The following SEC22A variants were observed in gnomAD, a reference collection of about 807,000 sequenced individuals.
SEC22A encodes the protein SEC22 homolog A, vesicle trafficking protein, also known as vesicle-trafficking protein SEC22a.
Under a neutral mutation model 35.3 loss-of-function variants are expected in SEC22A, and 22 were observed. That is an observed-to-expected ratio of 0.62 (90% confidence interval 0.45 to 0.89). The LOEUF (loss-of-function observed/expected upper bound fraction) is 0.89, where lower values mean the gene tolerates loss of function less well. Ranked by LOEUF, SEC22A falls within the 40% of genes least tolerant of loss-of-function variation. SEC22A has a pLI of 0.00. For missense variants in SEC22A, 354 were observed against 362.5 expected, an observed-to-expected ratio of 0.98 and a Z score of 0.19; for synonymous variants, 119 against 129.5, an observed-to-expected ratio of 0.92 and a Z score of 0.55.
intron 5 of SEC22A, among the ~76,000 whole-genome samples, chr3:123,246,588 A>G (rs1328369352): frequency 6.6e-6 from 1 of 152,208 alleles, no homozygotes; most frequent in Non-Finnish European, 1.5e-5. Flanking sequence ...ATTGCTAACT[A>G]TTACATTTTC....
At chr3:123,254,327 C>T (rs995524769) in intron 5 of SEC22A, among the ~76,000 whole-genome samples, 1 of 152,114 alleles carries the variant, frequency 6.6e-6, no homozygotes, top group Non-Finnish European at 1.5e-5. Flanking sequence ...GACCCATCCT[C>T]ATCTTTAAAA....
At position 123,265,317 on chromosome 3, in the gene SEC22A, G is replaced by A. The variant is rs79469971; in HGVS notation, c.723+5728G>A. On this transcript the variant is annotated intron_variant, in intron 6 of 6. Coordinates refer to ENST00000492595, the MANE Select transcript of SEC22A (RefSeq NM_012430.5). ...AAACCAATCCCCTATGGATCCTGAG[G>A]GACAACTGTATATTCTAGATACTAA... 6.8e-3 allele frequency among the ~76,000 whole-genome samples: 1,029 copies of A among 151,902 alleles called. 12 individuals are homozygous for A. The highest frequency in any genetic ancestry group is 0.023 in the African/African-American group (956 of 41,442).
intron 2 of SEC22A, among the ~76,000 whole-genome samples, chr3:123,218,623 T>C (rs1040920085): frequency 6.6e-6 from 1 of 152,166 alleles, no homozygotes; most frequent in East Asian, 1.9e-4. Context: ...GAAGATTCAC[T>C]GACCTGAACC....
Position 123,273,109 on chromosome 3 carries a change from A to G in SEC22A, c.*1387A>G, listed in dbSNP as rs1050642695. On this transcript the variant is annotated 3_prime_UTR_variant, in exon 7 of 7. Coordinates refer to ENST00000492595, the MANE Select transcript of SEC22A (RefSeq NM_012430.5). ...ATATTTCAAACAAGGAATTCATAGG[A>G]TACTGAAATTTGATATCATCCAGAA... 3.3e-5 allele frequency: 5 copies of G among 152,692 alleles called. No individual in the cohort carries two copies. The highest frequency in any genetic ancestry group is 2.0e-4 in the Admixed American group (3 of 15,288). The allele number at this position is 152,692 out of a possible 1,614,324, so 9.5% of individuals were successfully genotyped here. A position where few individuals can be genotyped will look rare whatever the true frequency, so the allele number is the denominator to read the frequency against.
intron 5 of SEC22A, among the ~76,000 whole-genome samples, chr3:123,247,895 C>A (rs577184304): frequency 6.6e-6 from 1 of 152,066 alleles, no homozygotes; most frequent in African/African-American, 2.4e-5. Context: ...CCCAGGTATG[C>A]GGGGGCCAGT....
intron 4 of SEC22A, among the ~76,000 whole-genome samples, chr3:123,240,558 G>C (rs1937511028): frequency 6.6e-6 from 1 of 152,102 alleles, no homozygotes; most frequent in Non-Finnish European, 1.5e-5. Context: ...ACGTAAACTT[G>C]TTTCAGTTTT....
rs151297417 is a variant in SEC22A at position 123,238,346 on chromosome 3, T to G, written c.542-7553T>G. On this transcript the variant is annotated intron_variant, in intron 4 of 6. Transcript: ENST00000492595. ...CCCGAGTAGTTGGGATACAGGTGCA[T>G]GCCACCATGCATGGCTAATTTTTGT... is the stretch of plus-strand genomic sequence containing the variant. Among the ~76,000 whole-genome samples the G allele has an allele frequency of 3.9e-5, 6 of 152,122 alleles. No individual in the cohort carries two copies. In the East Asian group the frequency reaches 1.2e-3, roughly 30 times the overall value.
intron 1 of SEC22A, among the ~76,000 whole-genome samples, chr3:123,202,781 C>T (rs913193026): frequency 6.6e-6 from 1 of 152,132 alleles, no homozygotes; most frequent in African/African-American, 2.4e-5. Context: ...AAAGCCTAGC[C>T]CAGAGCAAAA....
chr3:123,240,045 C>T (rs1937500579), intron 4 of SEC22A, among the ~76,000 whole-genome samples: 1 of 152,040 alleles, frequency 6.6e-6, no homozygotes, highest in Admixed American at 6.5e-5. Context: ...ATGGCCCTGG[C>T]TGTGAGAGCC....
chr3:123,269,625 A>ATTTTTT (rs35895285), intron 6 of SEC22A, among the ~76,000 whole-genome samples: 10 of 89,478 alleles, frequency 1.1e-4, no homozygotes, highest in Admixed American at 2.7e-4. Context: ...AAGGACATGA[A>ATTTTTT]TTTTTTTTTT....
intron 4 of SEC22A, among the ~76,000 whole-genome samples, chr3:123,225,806 A>G (rs13084920): frequency 0.73 from 111,592 of 152,104 alleles, 41,682 homozygotes; most frequent in Non-Finnish European, 0.8. Flanking sequence ...TTAGCTAACT[A>G]TATTATGTAC....
intron 2 of SEC22A, among the ~76,000 whole-genome samples, chr3:123,211,665 C>T (rs1450364206): frequency 6.6e-6 from 1 of 152,020 alleles, no homozygotes; most frequent in Non-Finnish European, 1.5e-5. Flanking sequence ...CACCATGTTG[C>T]CTAGGTTGAC....
intron 6 of SEC22A, among the ~76,000 whole-genome samples, chr3:123,265,065 G>A (rs1559765249): frequency 6.6e-6 from 1 of 152,100 alleles, no homozygotes; most frequent in African/African-American, 2.4e-5. Flanking sequence ...ACCATGGATT[G>A]AAAATATTTG....
chr3:123,231,780 A>G (rs942484042), intron 4 of SEC22A, among the ~76,000 whole-genome samples: 1 of 152,230 alleles, frequency 6.6e-6, no homozygotes, highest in Non-Finnish European at 1.5e-5. Context: ...AGAAAAGCAA[A>G]TTAAACCTAA....
At chr3:123,205,992 C>A (rs1936845146) in intron 1 of SEC22A, among the ~76,000 whole-genome samples, 1 of 152,170 alleles carries the variant, frequency 6.6e-6, no homozygotes, top group Non-Finnish European at 1.5e-5. Flanking sequence ...ATCTGTCCTC[C>A]AAGTCACTAA....
At chr3:123,258,119 T>C (rs111642052) in intron 5 of SEC22A, among the ~76,000 whole-genome samples, 3,147 of 152,160 alleles carry the variant, frequency 0.021, 101 homozygotes, top group African/African-American at 0.072. Context: ...ATCCCCACAA[T>C]TAAAGGTTAT....
chr3:123,230,352 A>G (rs1053821708), intron 4 of SEC22A, among the ~76,000 whole-genome samples: 1 of 152,234 alleles, frequency 6.6e-6, no homozygotes, highest in Non-Finnish European at 1.5e-5. Context: ...AACAGGAACT[A>G]ATGAAGGAAG....
At chr3:123,225,027 C>G (rs1050969160) in intron 3 of SEC22A, 76 bp from the exon 4 acceptor site, 2 of 902,148 alleles carry the variant, frequency 2.2e-6, no homozygotes, top group African/African-American at 3.3e-5. Context: ...GTAATATTTA[C>G]TATCCATAAA....
chr3:123,247,661 T>C (rs753088890), intron 5 of SEC22A, among the ~76,000 whole-genome samples: 34 of 152,222 alleles, frequency 2.2e-4, no homozygotes, highest in Non-Finnish European at 2.8e-4. Context: ...CTCTGGCTCA[T>C]TGCAGTTGAT....
Sources: gnomAD v4.1 joint callset for allele counts (sites outside exome capture counted in the v4.1 genomes callset) on GRCh38, gnomAD v4.1.1 for gene constraint, MANE v1.5 for transcripts, NCBI Gene and HGNC (gene_info 2026-07-23, HGNC 2026-07-21) for gene names.